SEPTIN7: variants seen among roughly 807,000 people sequenced by gnomAD.
SEPTIN7 encodes the protein septin 7.
Under a neutral mutation model 63.3 loss-of-function variants are expected in SEPTIN7, and 10 were observed. That is an observed-to-expected ratio of 0.16 (90% CI 0.10 to 0.27). The LOEUF (loss-of-function observed/expected upper bound fraction) is 0.27. SEPTIN7 is among the 10% of genes least tolerant of loss of function. The pLI is 1.00. For missense variants in SEPTIN7, 310 were observed against 521.0 expected (o/e 0.59, Z 3.94); for synonymous variants, 131 against 165.3 (o/e 0.79, Z 1.59).
At chr7:35,842,366 A>G (rs1439578846) in intron 3 of SEPTIN7, among the ~76,000 whole-genome samples, 3 of 151,410 alleles carry the variant, frequency 2.0e-5, no homozygotes, top group African/African-American at 7.3e-5. Context: ...AAAAACCCTC[A>G]TTTTAAGTAA....
chr7:35,895,883 T>C (rs1280253573), intron 11 of SEPTIN7, among the ~76,000 whole-genome samples: 1 of 152,244 alleles, frequency 6.6e-6, no homozygotes, highest in East Asian at 1.9e-4. Context: ...CGATCTTGGC[T>C]CACTGCAACC....
chr7:35,848,210 T>A (rs1270164970), intron 3 of SEPTIN7, among the ~76,000 whole-genome samples: 1 of 152,146 alleles, frequency 6.6e-6, no homozygotes, highest in Non-Finnish European at 1.5e-5. Flanking sequence ...TGGCCCAAAA[T>A]AGAAATTAGA....
At position 35,801,382 on chromosome 7, in the gene SEPTIN7, G is replaced by A. The variant is rs1442798475; in HGVS notation, c.61+112G>A. On this transcript the variant is annotated intron_variant, in intron 1 of 13. Coordinates refer to ENST00000350320, the MANE Select transcript of SEPTIN7 (RefSeq NM_001788.6). Reference sequence around the variant, plus strand: ...CGCCCTGAGGCGAGGCGGAGGCAGCGGCGAGGGGAGCCGGGATGGGGGCCA... The same window carrying A: ...CGCCCTGAGGCGAGGCGGAGGCAGCAGCGAGGGGAGCCGGGATGGGGGCCA... 77 of 1,352,670 alleles carry A rather than the reference G, an allele frequency of 5.7e-5. No individual in the cohort carries two copies. In the Middle Eastern group the frequency reaches 1.3e-3, roughly 22 times the overall value. 83.8% of individuals were successfully genotyped at this position (1,352,670 alleles called of 1,614,324 possible). A position where few individuals can be genotyped will look rare whatever the true frequency, so the allele number is the denominator to read the frequency against.
intron 4 of SEPTIN7, among the ~76,000 whole-genome samples, chr7:35,864,795 A>G (rs1785712576): frequency 6.6e-6 from 1 of 152,192 alleles, no homozygotes; most frequent in Non-Finnish European, 1.5e-5. Flanking sequence ...AGAGGAGGCA[A>G]GTGAACAGTT....
chr7:35,807,010 A>G (rs185790320), intron 1 of SEPTIN7, among the ~76,000 whole-genome samples: 2 of 152,300 alleles, frequency 1.3e-5, no homozygotes, highest in East Asian at 3.9e-4. Context: ...TTTATAAAAT[A>G]TATTTGAAAT....
In SEPTIN7 at chr7:35,872,739, T is replaced by C. The variant is rs1288193560; in HGVS notation, c.350T>C (p.Phe117Ser). The C allele has an allele frequency of 3.7e-6, 6 of 1,611,960 alleles. No individual in the cohort carries two copies. Among genetic ancestry groups the C allele is most frequent in the South Asian group, 1.1e-5 (1 of 91,042 alleles). Residue 117 changes from phenylalanine (F) to serine (S), a missense_variant, in exon 5 of 14, where the codon TTT becomes TCT. Coordinates refer to ENST00000350320, the MANE Select transcript of SEPTIN7 (RefSeq NM_001788.6). ...LLLTIVDTPG[F>S]GDAVDNSNCW... ...CTCACAATAGTTGATACCCCAGGAT[T>C]TGGAGATGCAGTGGATAATAGTAAT... is the stretch of plus-strand genomic sequence containing the variant.
chr7:35,892,206 A>G (rs1422741703), intron 11 of SEPTIN7, among the ~76,000 whole-genome samples: 1 of 152,230 alleles, frequency 6.6e-6, no homozygotes, highest in African/African-American at 2.4e-5. Context: ...AGTTCTCAAA[A>G]TAGCTATAGT....
At chr7:35,883,306 A>G (rs1787014927) in intron 8 of SEPTIN7, among the ~76,000 whole-genome samples, 1 of 152,126 alleles carries the variant, frequency 6.6e-6, no homozygotes, top group African/African-American at 2.4e-5. Context: ...ATGTAGGCAA[A>G]TATCTTGGAA....
intron 1 of SEPTIN7, among the ~76,000 whole-genome samples, chr7:35,807,577 A>T (rs1788433383): frequency 6.6e-6 from 1 of 151,268 alleles, no homozygotes; most frequent in Non-Finnish European, 1.5e-5. Context: ...GTTAGCCAGG[A>T]TGGTCTCAAT....
At chr7:35,820,597 T>A (rs1400871478) in intron 1 of SEPTIN7, among the ~76,000 whole-genome samples, 4 of 152,192 alleles carry the variant, frequency 2.6e-5, no homozygotes, top group Non-Finnish European at 4.4e-5. Flanking sequence ...TGATATTATC[T>A]ATTTGATGAA....
intron 3 of SEPTIN7, among the ~76,000 whole-genome samples, chr7:35,854,917 T>C (rs1469125472): frequency 6.6e-6 from 1 of 152,134 alleles, no homozygotes; most frequent in African/African-American, 2.4e-5. Flanking sequence ...TCACTTTTAT[T>C]ATTACCCTCC....
At chr7:35,867,693 G>GTA (rs1045770567) in intron 4 of SEPTIN7, among the ~76,000 whole-genome samples, 1 of 152,166 alleles carries the variant, frequency 6.6e-6, no homozygotes, top group Non-Finnish European at 1.5e-5. Flanking sequence ...CACTGAAAGG[G>GTA]TATCATCTGT....
intron 3 of SEPTIN7, among the ~76,000 whole-genome samples, chr7:35,858,824 G>T (rs1785351952): frequency 6.6e-6 from 1 of 151,974 alleles, no homozygotes; most frequent in Non-Finnish European, 1.5e-5. Flanking sequence ...GAGATTACAG[G>T]CATGCGCCAC....
chr7:35,834,239 A>G (rs1783972986), intron 3 of SEPTIN7, among the ~76,000 whole-genome samples: 1 of 151,972 alleles, frequency 6.6e-6, no homozygotes, highest in South Asian at 2.1e-4. Flanking sequence ...AAAACCTCCT[A>G]GGTCCATTAG....
At chr7:35,860,188 T>C (rs1246479825) in intron 3 of SEPTIN7, among the ~76,000 whole-genome samples, 9 of 152,192 alleles carry the variant, frequency 5.9e-5, no homozygotes, top group East Asian at 5.8e-4. Context: ...CCTAAAGTTA[T>C]TACAGTCTCA....
chr7:35,815,976 TGTGA>T (rs928503233), intron 1 of SEPTIN7, among the ~76,000 whole-genome samples: 6 of 152,234 alleles, frequency 3.9e-5, no homozygotes, highest in African/African-American at 1.4e-4. Context: ...ATTGATTTTT[TGTGA>T]GTATTTTTTT....
chr7:35,807,419 T>TG lies in SEPTIN7; in HGVS notation c.61+6151dup, dbSNP rs1788420002. Among the ~76,000 whole-genome samples, 7 of 135,616 alleles carry TG rather than the reference T, an allele frequency of 5.2e-5. No homozygotes were observed. In the South Asian group the frequency reaches 1.8e-3, roughly 35 times the overall value. The allele number at this position is 135,616 out of a possible 152,430, so 89.0% of individuals were successfully genotyped here. On this transcript the variant is annotated intron_variant, in intron 1 of 13. Coordinates refer to ENST00000350320, the MANE Select transcript of SEPTIN7 (RefSeq NM_001788.6). Reference sequence around the variant, plus strand: ...CTGTGTCGCCCAGGCTGGAGTGCAGTGGCGCGATCTCGGCTCGCTGTAAGA... The same window carrying TG: ...CTGTGTCGCCCAGGCTGGAGTGCAGTGGGCGCGATCTCGGCTCGCTGTAAGA...
At chr7:35,897,109 C>T (rs1304248284) in intron 11 of SEPTIN7, among the ~76,000 whole-genome samples, 1 of 151,980 alleles carries the variant, frequency 6.6e-6, no homozygotes, top group Non-Finnish European at 1.5e-5. Flanking sequence ...GGGTGAAATC[C>T]AAGGTCTGGT....
chr7:35,897,954 A>G (rs1424478507), intron 11 of SEPTIN7, among the ~76,000 whole-genome samples: 3 of 150,952 alleles, frequency 2.0e-5, no homozygotes, highest in African/African-American at 4.9e-5. Flanking sequence ...TTTTCTTCTA[A>G]TGTTTCATTC....
Sources: allele counts gnomAD v4.1 joint callset (sites outside exome capture counted in the v4.1 genomes callset), GRCh38; gene constraint gnomAD v4.1.1; transcripts MANE v1.5; gene names NCBI Gene and HGNC (gene_info 2026-07-23, HGNC 2026-07-21).